UBE2T: variants seen among roughly 807,000 people sequenced by gnomAD.
UBE2T encodes the protein ubiquitin conjugating enzyme E2 T.
A neutral mutation model predicts 23.3 loss-of-function variants in UBE2T; 15 were observed. That is an observed-to-expected ratio of 0.64 (90% CI 0.43 to 0.99). UBE2T has a LOEUF of 0.99. Among genes scored for constraint, UBE2T ranks in the 50% least tolerant of loss-of-function variants. The pLI, the probability that UBE2T is intolerant of heterozygous loss-of-function variation, is 0.00. For synonymous variants in UBE2T, 67 were observed against 78.4 expected, an observed-to-expected ratio of 0.85 and a Z score of 0.77; for missense variants, 197 against 234.9, an observed-to-expected ratio of 0.84 and a Z score of 1.05.
In UBE2T at chr1:202,339,621, AAC is replaced by A. The variant is rs1378995534; in HGVS notation, c.-65+2272_-65+2273del. 6.8e-3 allele frequency among the ~76,000 whole-genome samples: 1,028 copies of A among 150,974 alleles called. 4 individuals carry two copies. The highest frequency in any genetic ancestry group is 0.014 in the Middle Eastern group (4 of 288). On this transcript the variant is annotated intron_variant, in intron 1 of 6. Transcript: ENST00000646651. ...TCTCAAAAAAAAAAAAAAAAAAAAA[AAC>A]ATCTTCGTCCAAACACGTACTATAC... is the stretch of plus-strand genomic sequence containing the variant.
intron 6 of UBE2T, 32 bp from the exon 7 acceptor site, chr1:202,331,992 G>C (rs755454126): frequency 6.2e-7 from 1 of 1,607,132 alleles, no homozygotes; most frequent in Non-Finnish European, 8.5e-7. Flanking sequence ...ACACAGTAAG[G>C]TTCACACAAA....
intron 1 of UBE2T, among the ~76,000 whole-genome samples, chr1:202,338,636 C>G (rs1453130361): frequency 6.6e-6 from 1 of 151,970 alleles, no homozygotes; most frequent in Non-Finnish European, 1.5e-5. Context: ...CACATATAAT[C>G]AAGTTTATTT....
chr1:202,334,921 A>G, intron 3 of UBE2T, 68 bp downstream of exon 3: 1 of 1,449,200 alleles, frequency 6.9e-7, no homozygotes, highest in Non-Finnish European at 9.6e-7. Context: ...TCTATCTACT[A>G]CATTGCTCTG....
chr1:202,337,992 C>T (rs568115619), intron 1 of UBE2T, among the ~76,000 whole-genome samples: 2 of 152,144 alleles, frequency 1.3e-5, no homozygotes, highest in South Asian at 2.1e-4. Flanking sequence ...TTTATTGATG[C>T]TATAGATCAA....
Position 202,331,976 on chromosome 1 carries a change from G to A in UBE2T, c.469-16C>T, listed in dbSNP as rs943297543. The A allele has an allele frequency of 6.2e-7, 1 of 1,612,988 alleles. No homozygotes were observed. The highest frequency in any genetic ancestry group is 8.5e-7 in the Non-Finnish European group (1 of 1,179,498). ...CCTCATCAGCCTAAAGAGGAGACAG[G>A]GTGAAACACAGTAAGGTTCACACAA... On this transcript the variant is annotated splice_polypyrimidine_tract_variant and intron_variant, in intron 6 of 6. Coordinates refer to ENST00000646651, the MANE Select transcript of UBE2T (RefSeq NM_014176.4).
intron 6 of UBE2T, among the ~76,000 whole-genome samples, 194 bp downstream of exon 6, chr1:202,332,813 CAGG>C (rs1197656751): frequency 7.5e-6 from 1 of 133,662 alleles, no homozygotes; most frequent in East Asian, 2.3e-4. Flanking sequence ...GAGGCTGAGG[CAGG>C]AGAATGGCGT....
chr1:202,331,936 T>C lies in UBE2T; in HGVS notation c.493A>G (p.Asn165Asp). 1.9e-6 allele frequency: 3 copies of C among 1,614,120 alleles called. No individual in the cohort carries two copies. The highest frequency in any genetic ancestry group is 1.7e-6 in the Non-Finnish European group (2 of 1,180,000). Residue 165 changes from asparagine to aspartate, a missense_variant, in exon 7 of 7, where the codon AAT (asparagine) becomes GAT (aspartate). Physicochemically the swap from Asn to Asp is conservative, Grantham distance 23 (BLOSUM62 1). Transcript: ENST00000646651. ...QKADEEEMLD[N>D]LPEAGDSRVH... ...CTGGAGTCACCAGCCTCTGGTAGATTATCAAGCATCTCTTCCTCATCAGCC... is the reference window on the plus strand; with the variant it reads ...CTGGAGTCACCAGCCTCTGGTAGATCATCAAGCATCTCTTCCTCATCAGCC...
intron 1 of UBE2T, among the ~76,000 whole-genome samples, chr1:202,341,415 G>A (rs788784): frequency 0.97 from 143,742 of 147,726 alleles, 70,010 homozygotes; most frequent in East Asian, 1. Context: ...CGTCTCTACT[G>A]AAAATACAAA....
In UBE2T at chr1:202,335,026, T is replaced by C; in HGVS notation, c.142A>G (p.Lys48Glu). The C allele has an allele frequency of 6.2e-7, 1 of 1,612,566 alleles. No homozygotes were observed. Among genetic ancestry groups the C allele is most frequent in the Non-Finnish European group, 8.5e-7 (1 of 1,179,240 alleles). Residue 48 changes from lysine to glutamate, a missense_variant, in exon 3 of 7, where the codon AAA (lysine) becomes GAA (glutamate). By Grantham distance (56) the Lys-to-Glu change is moderately conservative. Transcript: ENST00000646651. This position sits in a 1 kb window ranked among gnomAD's most constrained non-coding sequence, Gnocchi z 4.0. The part of the protein sequence containing the change: ...ILGGANTPYE[K>E]GVFKLEVIIP... ...ATAACTTCTAGCTTAAAAACACCTT[T>C]CTCATAAGGTGTGTTGGCTCCACCT...
intron 1 of UBE2T, among the ~76,000 whole-genome samples, chr1:202,336,581 G>C (rs1654890804): frequency 6.6e-6 from 1 of 152,090 alleles, no homozygotes; most frequent in South Asian, 2.1e-4. Context: ...AACTCATGAG[G>C]CCAGGCCTGG....
Position 202,335,930 on chromosome 1 carries a change from G to A in UBE2T, c.-64-112C>T. The A allele has an allele frequency of 1.7e-6, 1 of 577,366 alleles. No homozygotes were observed. The highest frequency in any genetic ancestry group is 3.1e-6 in the Non-Finnish European group (1 of 325,558). The allele number at this position is 577,366 out of a possible 1,614,324, so 35.8% of individuals were successfully genotyped here. Reference sequence around the variant, plus strand: ...GGGACAGAGTCCTCTTTTTTGTTTTGAGACACAGTTTCACTCTGTCACCCA... The same window carrying A: ...GGGACAGAGTCCTCTTTTTTGTTTTAAGACACAGTTTCACTCTGTCACCCA... On this transcript the variant is annotated intron_variant, in intron 1 of 6. Transcript: ENST00000646651. The surrounding 1 kb of genome is among the most constrained non-coding windows in gnomAD (Gnocchi z 4.0).
In UBE2T at chr1:202,334,347, A is replaced by G. The variant is rs150728100; in HGVS notation, c.179+642T>C. 1.2e-4 allele frequency among the ~76,000 whole-genome samples: 18 copies of G among 152,318 alleles called. No individual in the cohort carries two copies. In the East Asian group the frequency reaches 3.5e-3, roughly 29 times the overall value. ...AAATGATGAGAACATATGGACACAA[A>G]GAGGGGAACGACAGACACTGGGGCC... is the stretch of plus-strand genomic sequence containing the variant. On this transcript the variant is annotated intron_variant, in intron 3 of 6. Transcript: ENST00000646651.
intron 1 of UBE2T, among the ~76,000 whole-genome samples, chr1:202,338,152 A>G (rs1052753821): frequency 5.9e-5 from 9 of 152,050 alleles, no homozygotes; most frequent in Non-Finnish European, 1.3e-4. Flanking sequence ...AAGTATTTAT[A>G]TTTTTGCTAT....
At chr1:202,334,492 A>C (rs1409491906) in intron 3 of UBE2T, among the ~76,000 whole-genome samples, 1 of 152,210 alleles carries the variant, frequency 6.6e-6, no homozygotes, top group African/African-American at 2.4e-5. Flanking sequence ...GTTTACCTAT[A>C]TAACAAACTT....
chr1:202,337,360 T>C lies in UBE2T; in HGVS notation c.-64-1542A>G, dbSNP rs140578648. Among the ~76,000 whole-genome samples, 309 of 152,352 alleles carry C rather than the reference T, an allele frequency of 2.0e-3. 2 individuals are homozygous for C. Among genetic ancestry groups the C allele is most frequent in the African/African-American group, 7.2e-3 (298 of 41,576 alleles). ...CATAATCAATCTTAAAATCTCTTTC[T>C]TTACATTTATACTTTGTGTATTAAA... On this transcript the variant is annotated intron_variant, in intron 1 of 6. Transcript: ENST00000646651.
intron 1 of UBE2T, among the ~76,000 whole-genome samples, chr1:202,340,936 T>C (rs1238155825): frequency 4.6e-5 from 7 of 152,332 alleles, no homozygotes; most frequent in Non-Finnish European, 4.4e-5. Context: ...ATCTAACCCT[T>C]ATATCCCGCC....
intron 1 of UBE2T, among the ~76,000 whole-genome samples, chr1:202,337,205 T>C (rs1378880578): frequency 6.6e-6 from 1 of 152,150 alleles, no homozygotes; most frequent in Non-Finnish European, 1.5e-5. Context: ...CCTCCCAAAG[T>C]GCTAGGATTA....
In UBE2T at chr1:202,335,685, A is replaced by G; in HGVS notation, c.70T>C (p.Cys24Arg). ...LATEPPPGIT[C>R]WQDKDQMDDL... ...TCCATTTGGTCTTTATCTTGCCAAC[A>G]TGTGATGCCTGGGGGTGGCTCTGTG... The change falls in exon 2 of 7, where the codon TGT becomes CGT. Residue 24 changes from cysteine (C) to arginine (R), a missense_variant. By Grantham distance (180) the Cys-to-Arg change is radical. Coordinates refer to ENST00000646651, the MANE Select transcript of UBE2T (RefSeq NM_014176.4). The surrounding 1 kb of genome is among the most constrained non-coding windows in gnomAD (Gnocchi z 4.0). 6.2e-7 allele frequency: 1 copy of G among 1,614,080 alleles called. No homozygotes were observed. Among genetic ancestry groups the G allele is most frequent in the Non-Finnish European group, 8.5e-7 (1 of 1,180,010 alleles).
intron 1 of UBE2T, among the ~76,000 whole-genome samples, chr1:202,336,613 T>C (rs371928465): frequency 6.6e-6 from 1 of 152,194 alleles, no homozygotes; most frequent in Non-Finnish European, 1.5e-5. Flanking sequence ...CTTACTATTG[T>C]AGCCTTAGCA....
Sources: gnomAD v4.1 joint callset for allele counts (sites outside exome capture counted in the v4.1 genomes callset) on GRCh38, gnomAD v4.1.1 for gene constraint, Gnocchi (gnomAD v3.1) non-coding constraint, MANE v1.5 for transcripts, NCBI Gene and HGNC (gene_info 2026-07-23, HGNC 2026-07-21) for gene names.